The following FUT8 variants were observed in gnomAD, a reference collection of about 807,000 sequenced individuals.
FUT8 encodes the protein fucosyltransferase 8.
A neutral mutation model predicts 71.3 loss-of-function variants in FUT8; 29 were observed. The observed-to-expected ratio is 0.41, with a 90% CI of 0.30 to 0.55. The LOEUF is 0.55. FUT8 is among the 20% of genes least tolerant of loss of function. FUT8 has a pLI of 0.34. For missense variants in FUT8, 544 were observed against 702.1 expected, an observed-to-expected ratio of 0.77 and a Z score of 2.55; for synonymous variants, 254 against 239.3, an observed-to-expected ratio of 1.06 and a Z score of -0.57.
the FUT8 span, among the ~76,000 whole-genome samples, chr14:65,389,253 G>A: frequency 0.058 from 8,733 of 151,844 alleles, 301 homozygotes; most frequent in Admixed American, 0.11. Flanking sequence ...CACCCAGGCT[G>A]AAGTGCAGTG....
intron 2 of FUT8, among the ~76,000 whole-genome samples, chr14:65,486,715 G>A (rs188745745): frequency 2.0e-5 from 3 of 152,290 alleles, no homozygotes; most frequent in African/African-American, 4.8e-5. Context: ...TGCTAACTGG[G>A]TAAGTTTTTT....
intron 3 of FUT8, among the ~76,000 whole-genome samples, chr14:65,598,154 A>T (rs1278499144): frequency 6.6e-6 from 1 of 152,234 alleles, no homozygotes; most frequent in Non-Finnish European, 1.5e-5. Context: ...CAACGGAAAG[A>T]GACCCTGTCT....
intron 3 of FUT8, among the ~76,000 whole-genome samples, chr14:65,563,197 A>G (rs1382740100): frequency 1.3e-5 from 2 of 151,998 alleles, no homozygotes; most frequent in Non-Finnish European, 2.9e-5. Flanking sequence ...TCATGGAGGA[A>G]GGTGATCTTT....
intron 3 of FUT8, among the ~76,000 whole-genome samples, chr14:65,602,190 A>G (rs2140172776): frequency 6.6e-6 from 1 of 150,542 alleles, no homozygotes; most frequent in Admixed American, 6.7e-5. Context: ...TTGTATCCTC[A>G]TAGCTTAGCT....
chr14:65,359,152 G>T, the FUT8 span, among the ~76,000 whole-genome samples: 3 of 152,136 alleles, frequency 2.0e-5, no homozygotes, highest in South Asian at 6.2e-4. Context: ...TACTTTTGGG[G>T]TTTGTCTTAC....
intron 9 of FUT8, among the ~76,000 whole-genome samples, chr14:65,728,134 C>G (rs1056769092): frequency 2.6e-5 from 4 of 152,200 alleles, no homozygotes; most frequent in Non-Finnish European, 5.9e-5. Context: ...ATTTTCCTGT[C>G]TTCTTCTGAG....
intron 2 of FUT8, among the ~76,000 whole-genome samples, chr14:65,510,800 G>T (rs1047958523): frequency 6.6e-6 from 1 of 151,814 alleles, no homozygotes; most frequent in African/African-American, 2.4e-5. Flanking sequence ...GATTTATTTG[G>T]ATCTTCTTTT....
At chr14:65,364,889 A>G in the FUT8 span, among the ~76,000 whole-genome samples, 2 of 152,008 alleles carry the variant, frequency 1.3e-5, no homozygotes, top group Non-Finnish European at 2.9e-5. Context: ...GCCACACTGG[A>G]TTGCACATGT....
At chr14:65,531,998 C>T (rs1883988069) in intron 2 of FUT8, among the ~76,000 whole-genome samples, 1 of 152,096 alleles carries the variant, frequency 6.6e-6, no homozygotes, top group Non-Finnish European at 1.5e-5. Flanking sequence ...ATATGTACCA[C>T]ATTTTCTTTA....
rs1262168000 is a variant in FUT8 at position 65,607,428 on chromosome 14, T to A, written c.204-8550T>A. On this transcript the variant is annotated intron_variant, in intron 3 of 10. Transcript: ENST00000673929. The surrounding 1 kb of genome is among the most constrained non-coding windows in gnomAD (Gnocchi z 4.1). ...ATAAGTATTAAATTTTATCTAATGA[T>A]TTTTTGTTTCCATTGAGATTGTAAT... 6.6e-6 allele frequency among the ~76,000 whole-genome samples: 1 copy of A among 151,748 alleles called. No individual in the cohort carries two copies.
chr14:65,357,457 C>CG, the FUT8 span, among the ~76,000 whole-genome samples: 202 of 152,328 alleles, frequency 1.3e-3, no homozygotes, highest in Admixed American at 2.4e-3. Context: ...CTAGAATACT[C>CG]GAACAGAGGC....
chr14:65,434,374 C>G (rs564103388), intron 1 of FUT8, among the ~76,000 whole-genome samples: 54 of 152,276 alleles, frequency 3.5e-4, no homozygotes, highest in Middle Eastern at 6.8e-3. Context: ...ACTTAGTTCC[C>G]TAGGATGGCC....
At chr14:65,559,664 G>A (rs752251131) in intron 2 of FUT8, among the ~76,000 whole-genome samples, 19 of 152,024 alleles carry the variant, frequency 1.2e-4, no homozygotes, top group East Asian at 3.9e-4. Context: ...TTTGGCTGAC[G>A]TACCGAATTG....
At chr14:65,372,150 C>G in the FUT8 span, among the ~76,000 whole-genome samples, 6 of 151,990 alleles carry the variant, frequency 3.9e-5, no homozygotes, top group Admixed American at 6.6e-5. Flanking sequence ...GCTCCTGTTC[C>G]CAATGCCACC....
At chr14:65,430,012 CTT>C (rs918699376) in intron 1 of FUT8, among the ~76,000 whole-genome samples, 3 of 124,152 alleles carry the variant, frequency 2.4e-5, no homozygotes, top group African/African-American at 9.7e-5. Context: ...TTGCAAGAAT[CTT>C]TTTTTGTTTT....
At chr14:65,399,933 T>C in the FUT8 span, among the ~76,000 whole-genome samples, 1 of 152,264 alleles carries the variant, frequency 6.6e-6, no homozygotes, top group South Asian at 2.1e-4. Flanking sequence ...ATTCATTCAC[T>C]CATCCACTTA....
chr14:65,453,539 T>A (rs989842006), intron 1 of FUT8, among the ~76,000 whole-genome samples: 2 of 152,172 alleles, frequency 1.3e-5, no homozygotes, highest in Admixed American at 1.3e-4. Flanking sequence ...TCATGGCTTG[T>A]TTTTAAGCTC....
chr14:65,459,409 A>G (rs936455485), intron 2 of FUT8, among the ~76,000 whole-genome samples: 7 of 152,202 alleles, frequency 4.6e-5, no homozygotes, highest in Admixed American at 6.5e-5. Context: ...TATATATTCA[A>G]TATCAGCATA....
chr14:65,540,922 C>T (rs1252854268), intron 2 of FUT8, among the ~76,000 whole-genome samples: 1 of 152,156 alleles, frequency 6.6e-6, no homozygotes, highest in Non-Finnish European at 1.5e-5. Flanking sequence ...AACTAGTTAT[C>T]AGGTCACATT....
Sources: gnomAD v4.1 joint callset for allele counts (sites outside exome capture counted in the v4.1 genomes callset) on GRCh38, gnomAD v4.1.1 for gene constraint, Gnocchi (gnomAD v3.1) non-coding constraint, MANE v1.5 for transcripts, NCBI Gene and HGNC (gene_info 2026-07-23, HGNC 2026-07-21) for gene names.